Variants in MAMSTR observed in about 807,000 individuals in gnomAD.
MAMSTR encodes MEF2-activating motif and SAP domain-containing transcriptional regulator.
In MAMSTR, 41 loss-of-function variants were observed where a neutral mutation model predicts 42.7. That is an observed-to-expected ratio of 0.96 (90% CI 0.75 to 1.25). MAMSTR has a LOEUF of 1.25. Ranked by LOEUF, MAMSTR falls within the 50% of genes most tolerant of loss-of-function variation. The pLI is 0.00. For missense variants in MAMSTR, 567 were observed against 557.6 expected (o/e 1.02, Z -0.17); for synonymous variants, 265 against 244.1 (o/e 1.09, Z -0.80).
Position 48,715,400 on chromosome 19 carries a change from C to T in MAMSTR, c.287G>A (p.Gly96Glu), listed in dbSNP as rs1269188200. Residue 96 changes from glycine to glutamate, a missense_variant, in exon 5 of 10, where the codon GGG (glycine) becomes GAG (glutamate). By Grantham distance (98) the Gly-to-Glu change is moderately conservative. Coordinates refer to ENST00000318083, the MANE Select transcript of MAMSTR (RefSeq NM_001130915.2). ...SQRWRESKPR[G>E]NLTYHQYMPP... ...CATGTACTGGTGGTATGTCAAGTTC[C>T]CCCTGGGCTTGGACTCCCTCCAACG... 2.2e-5 allele frequency: 33 copies of T among 1,518,232 alleles called. No homozygotes were observed. Among genetic ancestry groups the T allele is most frequent in the Non-Finnish European group, 2.8e-5 (32 of 1,139,612 alleles). 94.0% of individuals were successfully genotyped at this position (1,518,232 alleles called of 1,614,324 possible).
chr19:48,705,973 A>G, the MAMSTR span: 1 of 157,252 alleles, frequency 6.4e-6, no homozygotes, highest in Non-Finnish European at 1.5e-5. Context: ...CTGAGAGCGT[A>G]TTACATAAGT....
downstream of MAMSTR, among the ~76,000 whole-genome samples, chr19:48,711,639 C>T (rs2032726908): frequency 6.6e-6 from 1 of 151,912 alleles, no homozygotes; most frequent in Non-Finnish European, 1.5e-5. Context: ...GTGGCATGAT[C>T]TCAGCTCACT....
At chr19:48,710,699 C>A (rs1341016040), downstream of MAMSTR, among the ~76,000 whole-genome samples, 12 of 149,924 alleles carry the variant, frequency 8.0e-5, no homozygotes, top group Admixed American at 8.0e-4. Flanking sequence ...CAGATTCAAG[C>A]AATTCTCCTG....
In MAMSTR at chr19:48,715,644, G is replaced by A; in HGVS notation, c.221C>T (p.Pro74Leu). Residue 74 changes from proline to leucine, a missense_variant, in exon 4 of 10, where the codon CCT becomes CTT. Transcript: ENST00000318083. ...VLLPEPEYCP[P>L]WRSPKKESPK... The stretch of plus-strand genomic sequence containing the variant: ...ACTCACCTTCTTTGGGGACCTCCAA[G>A]GAGGACAATATTCTGGCTCGGGGAG... The A allele has an allele frequency of 6.5e-7, 1 of 1,543,438 alleles. No homozygotes were observed. Among genetic ancestry groups the A allele is most frequent in the South Asian group, 1.2e-5 (1 of 83,120 alleles).
chr19:48,719,153 G>A lies in MAMSTR; in HGVS notation c.-21-101C>T, dbSNP rs900011818. On this transcript the variant is annotated intron_variant, in intron 1 of 9. Coordinates refer to ENST00000318083, the MANE Select transcript of MAMSTR (RefSeq NM_001130915.2). This position sits in a 1 kb window ranked among gnomAD's most constrained non-coding sequence, Gnocchi z 4.4. The stretch of plus-strand genomic sequence containing the variant: ...AGTGAATTCAGCAGGGAAAGGGCCC[G>A]AAGGAGGTGGGAATAGGAGCAGCCT... 1.9e-5 allele frequency: 15 copies of A among 806,608 alleles called. No homozygotes were observed. Among genetic ancestry groups the A allele is most frequent in the African/African-American group, 1.4e-4 (8 of 58,766 alleles). The allele number at this position is 806,608 out of a possible 1,614,324, so 50.0% of individuals were successfully genotyped here. A position where few individuals can be genotyped will look rare whatever the true frequency, so the allele number is the denominator to read the frequency against.
At position 48,715,368 on chromosome 19, in the gene MAMSTR, C is replaced by A; in HGVS notation, c.319G>T (p.Glu107Ter). The A allele has an allele frequency of 6.5e-7, 1 of 1,541,312 alleles. No homozygotes were observed. Reference protein sequence around the residue: ...NLTYHQYMPPEPRQGSRADPQ... With the variant: ...NLTYHQYMPP ...TCCGCCCTGGATCCCTGTCTCGGCT[C>A]TGGGGGCATGTACTGGTGGTATGTC... Residue 107 changes from glutamate (E) to a stop codon, truncating the protein, a stop_gained, in exon 5 of 10, where the codon GAG (glutamate) becomes TAG (stop). Transcript: ENST00000318083. LOFTEE classifies it high-confidence loss of function.
chr19:48,714,234 G>T (rs2032876075), intron 7 of MAMSTR, 132 bp downstream of exon 7: 2 of 983,306 alleles, frequency 2.0e-6, no homozygotes, highest in South Asian at 2.3e-5. Flanking sequence ...TCTGAACCAC[G>T]TCCCCTCGCC....
chr19:48,714,339 T>C (rs1193113930), intron 7 of MAMSTR, 27 bp downstream of exon 7: 1 of 1,354,802 alleles, frequency 7.4e-7, no homozygotes, highest in Non-Finnish European at 9.5e-7. Context: ...TCTTCATTGG[T>C]CCGCAAGCTC....
chr19:48,707,838 G>GAAAGAAAGAAA (rs1376262803), downstream of MAMSTR, among the ~76,000 whole-genome samples: 5 of 90,902 alleles, frequency 5.5e-5, no homozygotes, highest in Non-Finnish European at 4.3e-5. Flanking sequence ...AAGAAAGAAA[G>GAAAGAAAGAAA]GAAAGAAAGA....
intron 7 of MAMSTR, 77 bp from the exon 8 acceptor site, chr19:48,714,122 C>A: frequency 7.0e-7 from 1 of 1,421,006 alleles, no homozygotes. Flanking sequence ...ACGTGTGGCT[C>A]CACCCCTTGA....
chr19:48,713,615 C>G, intron 9 of MAMSTR, 65 bp from the exon 10 acceptor site: 1 of 1,601,282 alleles, frequency 6.2e-7, no homozygotes, highest in Non-Finnish European at 8.5e-7. Flanking sequence ...CCCCCCATAC[C>G]CCATTTCCAG....
the MAMSTR span, among the ~76,000 whole-genome samples, chr19:48,706,706 C>T: frequency 1.3e-5 from 2 of 152,102 alleles, no homozygotes; most frequent in Admixed American, 6.6e-5. Context: ...CTCCAGACTA[C>T]CCACAAATAC....
chr19:48,709,673 C>G (rs2032697014), downstream of MAMSTR, among the ~76,000 whole-genome samples: 1 of 152,150 alleles, frequency 6.6e-6, no homozygotes, highest in South Asian at 2.1e-4. Flanking sequence ...AGATAGTTAA[C>G]TACTCACCTT....
Position 48,714,466 on chromosome 19 carries a change from G to C in MAMSTR, c.623C>G (p.Pro208Arg). Residue 208 changes from proline (P) to arginine (R), a missense_variant, in exon 7 of 10, where the codon CCC becomes CGC. Physicochemically the swap from Pro to Arg is moderately radical, Grantham distance 103 (BLOSUM62 -2). Transcript: ENST00000318083. Reference protein sequence around the residue: ...LLERMRGGAPPRERPKPRRED... With the variant: ...LLERMRGGAPRRERPKPRRED... ...GCGCCGCGGCTTCGGCCGCTCGCGG[G>C]GCGGCGCGCCGCCGCGCATGCGCTC... 1 of 1,360,126 alleles carries C rather than the reference G, an allele frequency of 7.4e-7. No homozygotes were observed. Among genetic ancestry groups the C allele is most frequent in the Non-Finnish European group, 9.4e-7 (1 of 1,067,922 alleles). 84.3% of individuals were successfully genotyped at this position (1,360,126 alleles called of 1,614,324 possible).
Position 48,713,408 on chromosome 19 carries a change from G to A in MAMSTR, c.1107C>T (p.Pro369=). The A allele has an allele frequency of 6.2e-7, 1 of 1,613,324 alleles. No individual in the cohort carries two copies. The highest frequency in any genetic ancestry group is 1.3e-5 in the African/African-American group (1 of 75,048). ...TNSSSPSPRD[P]TDSLDWLEAL... ...CCTCCAGCCAGTCCAGGGAGTCCGT[G>A]GGGTCCCTGGGAGAAGGGGAGGAGG... The change falls in exon 10 of 10, where the codon CCC becomes CCT. Residue 369 remains proline (P), a synonymous_variant. Coordinates refer to ENST00000318083, the MANE Select transcript of MAMSTR (RefSeq NM_001130915.2).
intron 2 of MAMSTR, 73 bp from the exon 3 acceptor site, chr19:48,716,816 G>T: frequency 1.6e-6 from 2 of 1,263,926 alleles, no homozygotes; most frequent in Non-Finnish European, 2.0e-6. Flanking sequence ...TGGCAGGCTG[G>T]TGGGAGCTGC....
chr19:48,713,767 G>A lies in MAMSTR; in HGVS notation c.913C>T (p.Leu305Phe). The stretch of plus-strand genomic sequence containing the variant: ...ATGTCATCGATGCCCCGGTTAGGAA[G>A]CAACTGCGGATGGAGAAATTTGGCG... ...LQEAIRRAQL[L>F]PNRGIDDILE... The change falls in exon 9 of 10, where the codon CTT (leucine) becomes TTT (phenylalanine). Residue 305 changes from leucine to phenylalanine, a missense_variant. By Grantham distance (22) the Leu-to-Phe change is conservative. Coordinates refer to ENST00000318083, the MANE Select transcript of MAMSTR (RefSeq NM_001130915.2). 1 of 1,614,232 alleles carries A rather than the reference G, an allele frequency of 6.2e-7. No homozygotes were observed. Among genetic ancestry groups the A allele is most frequent in the Admixed American group, 1.7e-5 (1 of 60,028 alleles).
downstream of MAMSTR, among the ~76,000 whole-genome samples, chr19:48,712,484 C>T (rs573592125): frequency 2.0e-5 from 3 of 150,876 alleles, no homozygotes; most frequent in African/African-American, 2.4e-5. Context: ...TGCAATGGAG[C>T]GATCTTAGCT....
chr19:48,717,798 G>A lies in MAMSTR; in HGVS notation c.59-1055C>T, dbSNP rs1030374266. Among the ~76,000 whole-genome samples the A allele has an allele frequency of 5.3e-5, 8 of 151,986 alleles. No homozygotes were observed. In the South Asian group the frequency reaches 8.3e-4, roughly 16 times the overall value. On this transcript the variant is annotated intron_variant, in intron 2 of 9. Coordinates refer to ENST00000318083, the MANE Select transcript of MAMSTR (RefSeq NM_001130915.2). ...CAGCTCACTGCAACCTCCACCTCCC[G>A]GGTGCAAGCAATTCTCCTGCCTCAG...
Sources: allele counts gnomAD v4.1 joint callset (sites outside exome capture counted in the v4.1 genomes callset), GRCh38; gene constraint gnomAD v4.1.1; non-coding constraint Gnocchi (gnomAD v3.1); transcripts MANE v1.5; gene names NCBI Gene and HGNC (gene_info 2026-07-23, HGNC 2026-07-21).